CDCA5: variants seen among roughly 807,000 people sequenced by gnomAD.
The protein encoded by CDCA5 is cell division cycle associated 5, also known as sororin.
A neutral mutation model predicts 25.7 loss-of-function variants in CDCA5; 14 were observed. The observed-to-expected ratio is 0.54, with a 90% CI of 0.36 to 0.85. The LOEUF (loss-of-function observed/expected upper bound fraction) is 0.85. Among genes scored for constraint, CDCA5 ranks in the 40% least tolerant of loss-of-function variants. The pLI is 0.01. For missense variants in CDCA5, 307 were observed against 324.5 expected (o/e 0.95, Z 0.41); for synonymous variants, 127 against 128.7 (o/e 0.99, Z 0.09).
intron 1 of CDCA5, among the ~76,000 whole-genome samples, chr11:65,069,406 G>C (rs1220765377): frequency 7.4e-6 from 1 of 134,898 alleles, no homozygotes; most frequent in Non-Finnish European, 1.6e-5. Flanking sequence ...CAGGGGGCTT[G>C]TGGCCTGGGC....
downstream of CDCA5, among the ~76,000 whole-genome samples, chr11:65,064,489 T>C (rs1299820710): frequency 6.6e-6 from 1 of 151,416 alleles, no homozygotes; most frequent in East Asian, 1.9e-4. Context: ...AATGGGACCA[T>C]GCTGATGACT....
chr11:65,083,189 G>T, intron 4 of CDCA5, 175 bp downstream of exon 4: 1 of 678,498 alleles, frequency 1.5e-6, no homozygotes, highest in Non-Finnish European at 2.6e-6. Flanking sequence ...AAAGTTAAGT[G>T]TATTAAGTCT....
At chr11:65,075,030 C>G (rs1184288230), downstream of CDCA5, among the ~76,000 whole-genome samples, 1 of 143,142 alleles carries the variant, frequency 7.0e-6, no homozygotes, top group Non-Finnish European at 1.5e-5. Context: ...CCATTGCACT[C>G]CAGCCTGGGT....
chr11:65,079,735 T>G lies in CDCA5; in HGVS notation c.296A>C (p.Lys99Thr). The stretch of plus-strand genomic sequence containing the variant: ...GCTGTGTGTCTTGAAAAGGTCCTCC[T>G]TAGTAAGCTCCCTGCCAGGGGGCTC... ...ENEPPGRELT[K>T]EDLFKTHSVP... Residue 99 changes from lysine (K) to threonine (T), a missense_variant, in exon 5 of 6, where the codon AAG becomes ACG. By Grantham distance (78) the Lys-to-Thr change is moderately conservative. Transcript: ENST00000275517. 6.6e-7 allele frequency: 1 copy of G among 1,512,238 alleles called. No individual in the cohort carries two copies. Among genetic ancestry groups the G allele is most frequent in the Non-Finnish European group, 8.8e-7 (1 of 1,131,776 alleles). 93.7% of individuals were successfully genotyped at this position (1,512,238 alleles called of 1,614,324 possible).
At chr11:65,066,648 C>T (rs1947244197) in exon 6 of CDCA5, 2 of 1,289,272 alleles carry the variant, frequency 1.6e-6, no homozygotes, top group South Asian at 2.5e-5. Flanking sequence ...GGCCTGGGCT[C>T]CCTCCTTCAG....
intron 4 of CDCA5, chr11:65,083,155 A>G: frequency 1.7e-6 from 1 of 593,132 alleles, no homozygotes; most frequent in Non-Finnish European, 3.0e-6. Context: ...TTCCAGGAAA[A>G]TGGTAGAAAT....
intron 4 of CDCA5, among the ~76,000 whole-genome samples, chr11:65,082,921 T>A (rs972164664): frequency 6.6e-6 from 1 of 152,158 alleles, no homozygotes; most frequent in African/African-American, 2.4e-5. Flanking sequence ...TTCTCCCCAG[T>A]TGACTCTAAG....
downstream of CDCA5, among the ~76,000 whole-genome samples, chr11:65,062,413 C>T (rs536478323): frequency 7.2e-5 from 11 of 152,238 alleles, no homozygotes; most frequent in African/African-American, 2.6e-4. Context: ...ATGTCTCAGA[C>T]CCGGTCCCCT....
chr11:65,083,140 G>A (rs1167507633), intron 4 of CDCA5: 2 of 583,428 alleles, frequency 3.4e-6, no homozygotes, highest in Admixed American at 3.1e-5. Context: ...AGCTTTTAAA[G>A]GAAGTTCCAG....
downstream of CDCA5, among the ~76,000 whole-genome samples, chr11:65,073,803 C>T (rs749630954): frequency 3.9e-5 from 6 of 152,168 alleles, no homozygotes; most frequent in Non-Finnish European, 7.3e-5. Flanking sequence ...TGTAGGGCGC[C>T]GACTGCCAGA....
intron 3 of CDCA5, chr11:65,067,818 G>T: frequency 9.8e-7 from 1 of 1,018,404 alleles, no homozygotes; most frequent in Non-Finnish European, 1.3e-6. Context: ...TGGGTGGGTG[G>T]TGTGGGGGTG....
At chr11:65,069,680 T>C (rs1406097486) in intron 1 of CDCA5, among the ~76,000 whole-genome samples, 1 of 152,152 alleles carries the variant, frequency 6.6e-6, no homozygotes, top group Non-Finnish European at 1.5e-5. Context: ...CAAATAAAAG[T>C]AATTCACATG....
intron 4 of CDCA5, among the ~76,000 whole-genome samples, chr11:65,082,408 T>C (rs1287637062): frequency 6.6e-6 from 1 of 151,818 alleles, no homozygotes; most frequent in Non-Finnish European, 1.5e-5. Context: ...TTTCTTTAAA[T>C]TCCCAATCTC....
chr11:65,083,056 C>T (rs1258747310), intron 4 of CDCA5, among the ~76,000 whole-genome samples: 2 of 152,154 alleles, frequency 1.3e-5, no homozygotes, highest in Non-Finnish European at 2.9e-5. Flanking sequence ...CATGACTTAT[C>T]TCAGAACACC....
chr11:65,067,880 C>A (rs750767978), intron 3 of CDCA5: 1 of 826,588 alleles, frequency 1.2e-6, no homozygotes, highest in Non-Finnish European at 1.7e-6. Flanking sequence ...CCTCTCTGCA[C>A]GGGCCAGGAC....
intron 4 of CDCA5, among the ~76,000 whole-genome samples, chr11:65,080,092 G>A (rs1351149294): frequency 6.6e-6 from 1 of 151,988 alleles, no homozygotes; most frequent in Non-Finnish European, 1.5e-5. Context: ...GGGTTTCACC[G>A]TGTTAGCCAG....
At chr11:65,069,226 C>T (rs1279629942) in intron 1 of CDCA5, among the ~76,000 whole-genome samples, 2 of 105,168 alleles carry the variant, frequency 1.9e-5, no homozygotes, top group African/African-American at 3.8e-5. Flanking sequence ...GGCTTCAGAG[C>T]GAGACTCTCA....
At chr11:65,065,856 G>A (rs1590783054), downstream of CDCA5, among the ~76,000 whole-genome samples, 1 of 151,974 alleles carries the variant, frequency 6.6e-6, no homozygotes, top group African/African-American at 2.4e-5. Flanking sequence ...CCCTTGGGGA[G>A]TTGCCACCAC....
chr11:65,071,260 C>A (rs1947337349), intron 1 of CDCA5, among the ~76,000 whole-genome samples: 1 of 151,326 alleles, frequency 6.6e-6, no homozygotes, highest in African/African-American at 2.4e-5. Flanking sequence ...GGATTTTCAA[C>A]CCACATATGC....
Sources: allele counts gnomAD v4.1 joint callset (sites outside exome capture counted in the v4.1 genomes callset), GRCh38; gene constraint gnomAD v4.1.1; transcripts MANE v1.5; gene names NCBI Gene and HGNC (gene_info 2026-07-23, HGNC 2026-07-21).